Variants in MAPK8 observed in about 807,000 individuals in gnomAD.
The protein encoded by MAPK8 is JUN N-terminal kinase.
A neutral mutation model predicts 52.9 loss-of-function variants in MAPK8; 13 were observed. The observed-to-expected ratio is 0.25, with a 90% confidence interval of 0.16 to 0.39. The LOEUF (loss-of-function observed/expected upper bound fraction) is 0.39, where lower values mean the gene tolerates loss of function less well. Among genes scored for constraint, MAPK8 ranks in the 10% least tolerant of loss-of-function variants. MAPK8 has a pLI of 1.00. For missense variants in MAPK8, 300 were observed against 519.2 expected, an observed-to-expected ratio of 0.58 and a Z score of 4.10; for synonymous variants, 191 against 169.8, an observed-to-expected ratio of 1.12 and a Z score of -0.97.
intron 1 of MAPK8, among the ~76,000 whole-genome samples, chr10:48,331,771 T>A (rs1177517772): frequency 6.6e-6 from 1 of 152,150 alleles, no homozygotes; most frequent in African/African-American, 2.4e-5. Context: ...ATGGTTTCCA[T>A]AGTAGGGAGG....
chr10:48,369,617 T>C (rs141604906), intron 1 of MAPK8, among the ~76,000 whole-genome samples: 1 of 151,996 alleles, frequency 6.6e-6, no homozygotes, highest in African/African-American at 2.4e-5. Context: ...GTAGATGAAA[T>C]TGCCATGGGA....
At chr10:48,375,686 G>A (rs749500021) in intron 1 of MAPK8, among the ~76,000 whole-genome samples, 1 of 152,180 alleles carries the variant, frequency 6.6e-6, no homozygotes, top group African/African-American at 2.4e-5. Context: ...TACAAGGGAT[G>A]TGAAGGAACT....
chr10:48,367,755 A>C (rs1462806098), intron 1 of MAPK8, among the ~76,000 whole-genome samples: 2 of 152,238 alleles, frequency 1.3e-5, no homozygotes, highest in African/African-American at 4.8e-5. Context: ...TGTCATGAGA[A>C]GTATAAATAA....
intron 2 of MAPK8, among the ~76,000 whole-genome samples, chr10:48,403,917 T>TTGTGTA (rs2042302322): frequency 8.0e-6 from 1 of 125,672 alleles, no homozygotes; most frequent in Admixed American, 8.0e-5. Context: ...CCCGGCTAAT[T>TTGTGTA]TGTGTGTGTG....
At chr10:48,415,131 C>T (rs895563962) in intron 5 of MAPK8, among the ~76,000 whole-genome samples, 3 of 151,992 alleles carry the variant, frequency 2.0e-5, no homozygotes, top group African/African-American at 7.3e-5. Context: ...TTGTCTAATG[C>T]AATCTTTAAA....
At chr10:48,375,237 T>A (rs959209025) in intron 1 of MAPK8, among the ~76,000 whole-genome samples, 1 of 152,146 alleles carries the variant, frequency 6.6e-6, no homozygotes, top group Non-Finnish European at 1.5e-5. Flanking sequence ...ATGGAACATA[T>A]CTCAAAATAA....
intron 1 of MAPK8, among the ~76,000 whole-genome samples, chr10:48,357,333 G>A (rs1847076433): frequency 6.6e-6 from 1 of 152,172 alleles, no homozygotes; most frequent in Admixed American, 6.5e-5. Flanking sequence ...AATAGTAAAT[G>A]CCGCTATCTT....
chr10:48,382,940 G>GTA (rs141088649), intron 1 of MAPK8, among the ~76,000 whole-genome samples: 66,108 of 135,994 alleles, frequency 0.49, 16,842 homozygotes, highest in Middle Eastern at 0.69. Flanking sequence ...ATAGCTATGT[G>GTA]TATATATATA....
At chr10:48,339,452 CTTAT>C (rs1054806441) in intron 1 of MAPK8, among the ~76,000 whole-genome samples, 6 of 152,108 alleles carry the variant, frequency 3.9e-5, no homozygotes, top group African/African-American at 1.2e-4. Context: ...GGATTAAAGA[CTTAT>C]TTAAGACCTC....
At chr10:48,373,438 T>A (rs1478685307) in intron 1 of MAPK8, among the ~76,000 whole-genome samples, 1 of 151,354 alleles carries the variant, frequency 6.6e-6, no homozygotes, top group African/African-American at 2.4e-5. Context: ...AGACACAGAC[T>A]CACAGACTGG....
chr10:48,333,564 G>T (rs1333118004), intron 1 of MAPK8, among the ~76,000 whole-genome samples: 2 of 152,226 alleles, frequency 1.3e-5, no homozygotes, highest in Non-Finnish European at 2.9e-5. Flanking sequence ...GGCCAGGGCT[G>T]TAATGAGGGC....
chr10:48,365,860 T>C (rs1440803648), intron 1 of MAPK8, among the ~76,000 whole-genome samples: 1 of 152,206 alleles, frequency 6.6e-6, no homozygotes, highest in Non-Finnish European at 1.5e-5. Context: ...CAATTATCTC[T>C]TGATGAATCA....
At chr10:48,424,025 T>C in intron 6 of MAPK8, 63 bp from the exon 7 acceptor site, 2 of 1,314,448 alleles carry the variant, frequency 1.5e-6, no homozygotes, top group Non-Finnish European at 2.2e-6. Context: ...AGTCATATTA[T>C]GCTTCTTTGA....
chr10:48,344,326 T>C (rs1396954856), intron 1 of MAPK8, among the ~76,000 whole-genome samples: 1 of 152,258 alleles, frequency 6.6e-6, no homozygotes, highest in Non-Finnish European at 1.5e-5. Flanking sequence ...TTTTTAGTGC[T>C]ATTTATAACT....
intron 7 of MAPK8, chr10:48,425,607 G>T: frequency 3.0e-6 from 1 of 335,922 alleles, no homozygotes; most frequent in Non-Finnish European, 5.3e-6. Flanking sequence ...ATTATTCTTA[G>T]TTGCTTATCA....
chr10:48,417,125 C>T (rs1328200006), intron 5 of MAPK8, among the ~76,000 whole-genome samples: 1 of 152,176 alleles, frequency 6.6e-6, no homozygotes, highest in African/African-American at 2.4e-5. Flanking sequence ...CTGACATTGC[C>T]AAATATTATT....
chr10:48,383,143 A>G (rs1232271380), intron 1 of MAPK8, among the ~76,000 whole-genome samples: 2 of 151,906 alleles, frequency 1.3e-5, no homozygotes, highest in South Asian at 2.1e-4. Context: ...ACTCACCAAA[A>G]CCAATAAGCC....
intron 1 of MAPK8, among the ~76,000 whole-genome samples, chr10:48,392,180 A>G (rs998075611): frequency 6.6e-6 from 1 of 152,210 alleles, no homozygotes; most frequent in Admixed American, 6.5e-5. Flanking sequence ...TCTGTGCAGC[A>G]TTCCTTTCTC....
At chr10:48,351,930 T>C (rs1489305403) in intron 1 of MAPK8, among the ~76,000 whole-genome samples, 1 of 152,178 alleles carries the variant, frequency 6.6e-6, no homozygotes, top group Non-Finnish European at 1.5e-5. Context: ...AAGTTTCAGA[T>C]TTTGGAGCAT....
Sources: allele counts gnomAD v4.1 joint callset (sites outside exome capture counted in the v4.1 genomes callset), GRCh38; gene constraint gnomAD v4.1.1; transcripts MANE v1.5; gene names NCBI Gene and HGNC (gene_info 2026-07-23, HGNC 2026-07-21).